The following TIAM1 variants were observed in gnomAD, a reference collection of about 807,000 sequenced individuals.
TIAM1 encodes rho guanine nucleotide exchange factor TIAM1.
A neutral mutation model predicts 163.5 loss-of-function variants in TIAM1; 65 were observed. That is an observed-to-expected ratio of 0.40 (90% confidence interval 0.33 to 0.49). The LOEUF (loss-of-function observed/expected upper bound fraction) is 0.49. Ranked by LOEUF, TIAM1 falls within the 20% of genes least tolerant of loss-of-function variation. The pLI, the probability that TIAM1 is intolerant of heterozygous loss-of-function variation, is 0.77. For synonymous variants in TIAM1, 833 were observed against 810.1 expected, an observed-to-expected ratio of 1.03 and a Z score of -0.48; for missense variants, 1,789 against 2,044.7, an observed-to-expected ratio of 0.87 and a Z score of 2.41.
At chr21:31,189,779 C>T (rs2085467919) in intron 13 of TIAM1, among the ~76,000 whole-genome samples, 1 of 152,006 alleles carries the variant, frequency 6.6e-6, no homozygotes, top group Non-Finnish European at 1.5e-5. Context: ...GGGGGAAAAC[C>T]TTATAACCAT....
chr21:31,475,387 T>C (rs1042959314), intron 1 of TIAM1, among the ~76,000 whole-genome samples: 4 of 152,198 alleles, frequency 2.6e-5, no homozygotes, highest in African/African-American at 9.6e-5. Flanking sequence ...ATTCTAGTTA[T>C]GAAGTTCTCT....
At chr21:31,507,050 T>C (rs370508849) in intron 1 of TIAM1, among the ~76,000 whole-genome samples, 4 of 152,174 alleles carry the variant, frequency 2.6e-5, no homozygotes, top group Non-Finnish European at 5.9e-5. Flanking sequence ...AATGCTGTTA[T>C]GTGCGTGGGT....
chr21:31,297,630 C>G (rs1313886427), intron 2 of TIAM1, among the ~76,000 whole-genome samples: 2 of 152,158 alleles, frequency 1.3e-5, no homozygotes, highest in Non-Finnish European at 2.9e-5. Context: ...GTGATCCACC[C>G]GCCTTGGCCT....
At chr21:31,146,746 A>G (rs1228271562) in intron 20 of TIAM1, 149 bp downstream of exon 20, 1 of 598,248 alleles carries the variant, frequency 1.7e-6, no homozygotes, top group Non-Finnish European at 3.0e-6. Context: ...TGAATACATT[A>G]CATTGCTCAG....
intron 2 of TIAM1, among the ~76,000 whole-genome samples, chr21:31,454,909 C>G (rs1448980767): frequency 6.6e-6 from 1 of 152,086 alleles, no homozygotes; most frequent in Non-Finnish European, 1.5e-5. Context: ...TTGGTTTCTA[C>G]GTCCTGGTGT....
chr21:31,444,736 C>T (rs1002319198), intron 2 of TIAM1, among the ~76,000 whole-genome samples: 5 of 152,176 alleles, frequency 3.3e-5, no homozygotes, highest in Admixed American at 6.5e-5. Flanking sequence ...CGGTGGCTCA[C>T]GCCTGTAATG....
chr21:31,553,632 A>G (rs1389847993), intron 1 of TIAM1, among the ~76,000 whole-genome samples: 7 of 152,052 alleles, frequency 4.6e-5, no homozygotes, highest in African/African-American at 1.7e-4. Flanking sequence ...GTTGATAGAG[A>G]TCTTGCCCCA....
At chr21:31,484,620 A>G (rs1450345152) in intron 1 of TIAM1, among the ~76,000 whole-genome samples, 2 of 152,212 alleles carry the variant, frequency 1.3e-5, no homozygotes, top group African/African-American at 2.4e-5. Flanking sequence ...CAGCTATTAA[A>G]GCAGGCCCCA....
chr21:31,456,524 T>C (rs2045109119), intron 2 of TIAM1, among the ~76,000 whole-genome samples: 1 of 152,242 alleles, frequency 6.6e-6, no homozygotes, highest in South Asian at 2.1e-4. Context: ...ATGAAAAAGT[T>C]GGCAAATTTC....
At chr21:31,456,800 T>C (rs962545123) in intron 2 of TIAM1, among the ~76,000 whole-genome samples, 3 of 152,134 alleles carry the variant, frequency 2.0e-5, no homozygotes, top group Non-Finnish European at 2.9e-5. Context: ...GAGAAGGACC[T>C]TTTACTTAAA....
At position 31,405,379 on chromosome 21, in the gene TIAM1, A is replaced by G. The variant is rs879512368; in HGVS notation, c.-369+58604T>C. Among the ~76,000 whole-genome samples, 14 of 152,304 alleles carry G rather than the reference A, an allele frequency of 9.2e-5. No individual in the cohort carries two copies. In the East Asian group the frequency reaches 2.5e-3, roughly 27 times the overall value. On this transcript the variant is annotated intron_variant, in intron 2 of 28. Transcript: ENST00000286827. ...CACAGTTCACTCTCTTCAAGAGTCC[A>G]AGAAAGTCAATGTCCTCAGCCTATC...
At chr21:31,515,194 C>G (rs2047342638) in intron 1 of TIAM1, among the ~76,000 whole-genome samples, 1 of 152,188 alleles carries the variant, frequency 6.6e-6, no homozygotes, top group African/African-American at 2.4e-5. Context: ...ATGACCCACC[C>G]TCCCCACGCA....
intron 2 of TIAM1, among the ~76,000 whole-genome samples, 161 bp from the exon 3 acceptor site, chr21:31,277,069 TA>T (rs1469201410): frequency 1.3e-5 from 2 of 152,198 alleles, no homozygotes; most frequent in Non-Finnish European, 2.9e-5. Context: ...AACTCCATCT[TA>T]AATAGGAGCT....
intron 1 of TIAM1, among the ~76,000 whole-genome samples, chr21:31,495,253 A>G (rs1260931212): frequency 6.6e-6 from 1 of 152,234 alleles, no homozygotes; most frequent in African/African-American, 2.4e-5. Context: ...TAATTTATAA[A>G]GAAGAGAAAT....
chr21:31,165,129 T>C, intron 15 of TIAM1, 64 bp from the exon 16 acceptor site: 1 of 1,462,276 alleles, frequency 6.8e-7, no homozygotes, highest in Non-Finnish European at 9.5e-7. Flanking sequence ...AAGCCACCCC[T>C]GTGTGAGGGG....
intron 2 of TIAM1, among the ~76,000 whole-genome samples, chr21:31,319,767 G>A (rs2075249990): frequency 7.9e-6 from 1 of 126,538 alleles, no homozygotes; most frequent in Non-Finnish European, 1.6e-5. Flanking sequence ...GTGACAGAGT[G>A]AGACTCTATC....
At chr21:31,145,733 C>G (rs1601277769) in intron 20 of TIAM1, among the ~76,000 whole-genome samples, 1 of 152,128 alleles carries the variant, frequency 6.6e-6, no homozygotes, top group African/African-American at 2.4e-5. Flanking sequence ...TTATCACACT[C>G]CCAGGAACAA....
chr21:31,521,940 C>T (rs139165775), intron 1 of TIAM1, among the ~76,000 whole-genome samples: 2,313 of 152,110 alleles, frequency 0.015, 55 homozygotes, highest in African/African-American at 0.052. Context: ...TGTGCCATCT[C>T]GGCTCACTGC....
chr21:31,439,117 G>C (rs2147296527), intron 2 of TIAM1, among the ~76,000 whole-genome samples: 1 of 152,266 alleles, frequency 6.6e-6, no homozygotes, highest in East Asian at 1.9e-4. Flanking sequence ...CCACAGGTTG[G>C]GGAAGGGCAG....
Sources: gnomAD v4.1 joint callset for allele counts (sites outside exome capture counted in the v4.1 genomes callset) on GRCh38, gnomAD v4.1.1 for gene constraint, MANE v1.5 for transcripts, NCBI Gene and HGNC (gene_info 2026-07-23, HGNC 2026-07-21) for gene names.